MAP3K13: variants seen among roughly 807,000 people sequenced by gnomAD.
MAP3K13 encodes the protein mitogen-activated protein kinase kinase kinase 13.
A neutral mutation model predicts 104.0 loss-of-function variants in MAP3K13; 52 were observed. The ratio of observed to expected loss-of-function variants is 0.50; its 90% CI spans 0.40 to 0.63. The LOEUF is 0.63. Ranked by LOEUF, MAP3K13 falls within the 20% of genes least tolerant of loss-of-function variation. The pLI, the probability that MAP3K13 is intolerant of heterozygous loss-of-function variation, is 0.00. For missense variants in MAP3K13, 914 were observed against 1,218.5 expected (o/e 0.75, Z 3.72); for synonymous variants, 394 against 442.2 (o/e 0.89, Z 1.37).
At chr3:185,353,529 G>C (rs1435223651) in intron 2 of MAP3K13, among the ~76,000 whole-genome samples, 2 of 152,156 alleles carry the variant, frequency 1.3e-5, no homozygotes, top group Non-Finnish European at 2.9e-5. Flanking sequence ...ACAATATACA[G>C]AAAAATCTTT....
At chr3:185,362,644 T>G (rs1332335879), upstream of MAP3K13, among the ~76,000 whole-genome samples, 1 of 152,104 alleles carries the variant, frequency 6.6e-6, no homozygotes, top group Non-Finnish European at 1.5e-5. Context: ...CCGACAATTT[T>G]GCTTTTACAA....
chr3:185,300,343 C>T (rs1477890710), intron 2 of MAP3K13, among the ~76,000 whole-genome samples: 2 of 151,706 alleles, frequency 1.3e-5, no homozygotes, highest in East Asian at 3.9e-4. Context: ...CCCGCCACCA[C>T]GCCCAGCTAA....
intron 2 of MAP3K13, chr3:185,328,980 A>T (rs1722141859): frequency 6.6e-6 from 3 of 456,756 alleles, no homozygotes; most frequent in Non-Finnish European, 1.2e-5. Flanking sequence ...GTTTTTTTTA[A>T]AAAAAACTAT....
At chr3:185,434,379 A>G (rs1714909012) in intron 2 of MAP3K13, among the ~76,000 whole-genome samples, 1 of 152,240 alleles carries the variant, frequency 6.6e-6, no homozygotes, top group Non-Finnish European at 1.5e-5. Context: ...GAACCAAAAA[A>G]GAATTGATAA....
intron 1 of MAP3K13, among the ~76,000 whole-genome samples, chr3:185,283,898 C>CTTTTT (rs1201384582): frequency 2.0e-3 from 252 of 127,338 alleles, no homozygotes; most frequent in East Asian, 3.8e-3. Flanking sequence ...TTCTTTCTTT[C>CTTTTT]TTTTTTTTTT....
At chr3:185,415,263 A>G (rs983735040) in intron 1 of MAP3K13, among the ~76,000 whole-genome samples, 1 of 151,166 alleles carries the variant, frequency 6.6e-6, no homozygotes, top group Non-Finnish European at 1.5e-5. Context: ...AGAGGTTCTC[A>G]TGCCTCAGCC....
chr3:185,456,472 T>A (rs377419074), intron 7 of MAP3K13, among the ~76,000 whole-genome samples: 107 of 152,192 alleles, frequency 7.0e-4, no homozygotes, highest in Non-Finnish European at 1.1e-3. Context: ...GGATGAGAAA[T>A]CTTTATCTTC....
chr3:185,411,843 G>A (rs1713469013), intron 1 of MAP3K13, among the ~76,000 whole-genome samples: 1 of 148,922 alleles, frequency 6.7e-6, no homozygotes, highest in Admixed American at 6.7e-5. Context: ...GGAATGCGGT[G>A]GCATGATCTC....
intron 1 of MAP3K13, among the ~76,000 whole-genome samples, chr3:185,367,470 A>AT (rs1723944472): frequency 1.3e-5 from 2 of 152,234 alleles, no homozygotes; most frequent in South Asian, 4.1e-4. Flanking sequence ...AAGGAAAATT[A>AT]AGAAGATTCA....
intron 2 of MAP3K13, among the ~76,000 whole-genome samples, chr3:185,311,682 C>T (rs562811767): frequency 6.6e-6 from 1 of 152,314 alleles, no homozygotes; most frequent in East Asian, 1.9e-4. Context: ...AGGCTCCCCT[C>T]TCCTTCTCAT....
rs1482377073 is a variant in MAP3K13 at position 185,418,529 on chromosome 3, T to A, written c.-85-9968T>A. On this transcript the variant is annotated intron_variant, in intron 1 of 13. Transcript: ENST00000265026. This position sits in a 1 kb window ranked among gnomAD's most constrained non-coding sequence, Gnocchi z 4.5. Reference sequence around the variant, plus strand: ...AAAGCACCCTGGCCAGAGCGGTGAGTCCCACCACCTCGAACTCTGGGAATT... The same window carrying A: ...AAAGCACCCTGGCCAGAGCGGTGAGACCCACCACCTCGAACTCTGGGAATT... The A allele has an allele frequency of 1.7e-5, 27 of 1,611,976 alleles. 1 individual carries two copies. In the South Asian group the frequency reaches 2.7e-4, roughly 16 times the overall value.
chr3:185,455,543 A>ATATATATGTCATATATAT (rs1491361772), intron 7 of MAP3K13, among the ~76,000 whole-genome samples: 2 of 7,466 alleles, frequency 2.7e-4, no homozygotes, highest in Non-Finnish European at 4.0e-4. Flanking sequence ...GATATATATG[A>ATATATATGTCATATATAT]CATATATATG....
In MAP3K13 at chr3:185,418,733, C is replaced by T; in HGVS notation, c.-85-9764C>T. On this transcript the variant is annotated intron_variant, in intron 1 of 13. Transcript: ENST00000265026. This position sits in a 1 kb window ranked among gnomAD's most constrained non-coding sequence, Gnocchi z 4.5. ...TAAGTGACATTTTTGCCAGATGACTCCCCCTTTTCGGAGTACACCGATATC... is the reference window on the plus strand; with the variant it reads ...TAAGTGACATTTTTGCCAGATGACTTCCCCTTTTCGGAGTACACCGATATC... The T allele has an allele frequency of 2.5e-6, 4 of 1,610,212 alleles. No individual in the cohort carries two copies. Among genetic ancestry groups the T allele is most frequent in the Non-Finnish European group, 2.5e-6 (3 of 1,177,080 alleles).
intron 1 of MAP3K13, among the ~76,000 whole-genome samples, chr3:185,397,583 A>G (rs1712501567): frequency 6.6e-6 from 1 of 152,208 alleles, no homozygotes; most frequent in Non-Finnish European, 1.5e-5. Context: ...TTCGATGGAG[A>G]AAATGTGACT....
At chr3:185,481,910 C>T (rs1405233912) in intron 13 of MAP3K13, among the ~76,000 whole-genome samples, 2 of 152,220 alleles carry the variant, frequency 1.3e-5, no homozygotes, top group African/African-American at 4.8e-5. Flanking sequence ...CAGTGAAACC[C>T]TGTCTCTACT....
chr3:185,406,972 G>A (rs1713151236), intron 1 of MAP3K13, among the ~76,000 whole-genome samples: 1 of 151,954 alleles, frequency 6.6e-6, no homozygotes, highest in South Asian at 2.1e-4. Flanking sequence ...GAGATGTGGG[G>A]TATATTCTCA....
At position 185,488,017 on chromosome 3, in the gene MAP3K13, C is replaced by T. The variant is rs1343571670; in HGVS notation, c.*5561C>T. The T allele has an allele frequency of 6.6e-6, 1 of 152,192 alleles. No homozygotes were observed. The highest frequency in any genetic ancestry group is 1.5e-5 in the Non-Finnish European group (1 of 68,042). 9.4% of individuals were successfully genotyped at this position (152,192 alleles called of 1,614,324 possible). ...CCACTGCCCTTTTGGACAACAATTC[C>T]AATTGAAGGAACACCAATCACTGAT... On this transcript the variant is annotated 3_prime_UTR_variant, in exon 14 of 14. Transcript: ENST00000265026.
At chr3:185,327,091 G>A (rs1185779949) in intron 2 of MAP3K13, among the ~76,000 whole-genome samples, 1 of 152,090 alleles carries the variant, frequency 6.6e-6, no homozygotes, top group African/African-American at 2.4e-5. Context: ...GCTAAACCAG[G>A]GTGTCATCAG....
intron 1 of MAP3K13, among the ~76,000 whole-genome samples, chr3:185,428,100 T>C (rs529555291): frequency 6.7e-6 from 1 of 150,370 alleles, no homozygotes; most frequent in Admixed American, 6.6e-5. Context: ...AAAAAGATAA[T>C]AGATATTAAA....
Sources: gnomAD v4.1 joint callset for allele counts (sites outside exome capture counted in the v4.1 genomes callset) on GRCh38, gnomAD v4.1.1 for gene constraint, Gnocchi (gnomAD v3.1) non-coding constraint, MANE v1.5 for transcripts, NCBI Gene and HGNC (gene_info 2026-07-23, HGNC 2026-07-21) for gene names.